CCNY: variants seen among roughly 807,000 people sequenced by gnomAD.
CCNY encodes cyclin-Y.
CCNY carries 19 observed loss-of-function variants against 42.8 expected under a neutral mutation model. That is an observed-to-expected ratio of 0.44 (90% CI 0.31 to 0.65). The LOEUF (loss-of-function observed/expected upper bound fraction) is 0.65. Among genes scored for constraint, CCNY ranks in the 30% least tolerant of loss-of-function variants. The pLI is 0.07. For synonymous variants in CCNY, 165 were observed against 162.7 expected, an observed-to-expected ratio of 1.01 and a Z score of -0.11; for missense variants, 370 against 437.3, an observed-to-expected ratio of 0.85 and a Z score of 1.37.
At chr10:35,307,030 C>T (rs929464742) in intron 3 of CCNY, among the ~76,000 whole-genome samples, 5 of 152,308 alleles carry the variant, frequency 3.3e-5, no homozygotes, top group Middle Eastern at 3.4e-3. Flanking sequence ...AAGCAGTACA[C>T]GGCAACATAC....
intron 1 of CCNY, among the ~76,000 whole-genome samples, chr10:35,454,370 C>A (rs1352298983): frequency 6.6e-6 from 1 of 152,214 alleles, no homozygotes; most frequent in South Asian, 2.1e-4. Flanking sequence ...AGCGGTTCAG[C>A]GCAGGTTTAC....
intron 3 of CCNY, among the ~76,000 whole-genome samples, chr10:35,270,432 C>T (rs1256387471): frequency 6.6e-6 from 1 of 152,224 alleles, no homozygotes; most frequent in Non-Finnish European, 1.5e-5. Context: ...TCCTCCATGA[C>T]TCACATCCAG....
chr10:35,364,785 T>G (rs1339880297), intron 1 of CCNY, among the ~76,000 whole-genome samples: 1 of 152,224 alleles, frequency 6.6e-6, no homozygotes, highest in Non-Finnish European at 1.5e-5. Context: ...TTATAATTAC[T>G]GCAATTTTAA....
chr10:35,421,112 G>C (rs1345098899), intron 1 of CCNY, among the ~76,000 whole-genome samples: 1 of 151,730 alleles, frequency 6.6e-6, no homozygotes, highest in Non-Finnish European at 1.5e-5. Context: ...GGTGTAGGAC[G>C]AGGTTCAAAG....
At chr10:35,277,880 T>C (rs926060393) in intron 3 of CCNY, among the ~76,000 whole-genome samples, 8 of 152,074 alleles carry the variant, frequency 5.3e-5, no homozygotes, top group African/African-American at 1.9e-4. Context: ...CCATTCTCTT[T>C]AGGGGATGAG....
chr10:35,379,731 A>G (rs1837136270), intron 1 of CCNY, among the ~76,000 whole-genome samples: 1 of 152,212 alleles, frequency 6.6e-6, no homozygotes, highest in Non-Finnish European at 1.5e-5. Context: ...CCCTGAATGC[A>G]GGGATGTTGC....
intron 1 of CCNY, among the ~76,000 whole-genome samples, chr10:35,457,381 C>G (rs918334354): frequency 6.6e-6 from 1 of 152,204 alleles, no homozygotes; most frequent in Non-Finnish European, 1.5e-5. Context: ...AGGTCTCTCT[C>G]GTGTGTACAC....
chr10:35,491,866 G>A (rs1464855059), intron 2 of CCNY, among the ~76,000 whole-genome samples: 1 of 151,614 alleles, frequency 6.6e-6, no homozygotes, highest in Non-Finnish European at 1.5e-5. Flanking sequence ...CACCCGCCTC[G>A]GCCCTCCAAA....
intron 1 of CCNY, among the ~76,000 whole-genome samples, chr10:35,454,501 C>A (rs1448775332): frequency 6.6e-6 from 1 of 152,304 alleles, no homozygotes; most frequent in South Asian, 2.1e-4. Flanking sequence ...AAACCTGGAG[C>A]CTGGTAGAGT....
chr10:35,309,844 G>C (rs1835661385), intron 3 of CCNY, among the ~76,000 whole-genome samples: 1 of 151,986 alleles, frequency 6.6e-6, no homozygotes, highest in South Asian at 2.1e-4. Flanking sequence ...CTGTCGCCCA[G>C]GCTGGAGTGC....
At chr10:35,266,683 C>T (rs1011229929) in intron 3 of CCNY, among the ~76,000 whole-genome samples, 1 of 152,114 alleles carries the variant, frequency 6.6e-6, no homozygotes, top group Non-Finnish European at 1.5e-5. Flanking sequence ...TCGTTAGCAT[C>T]AGGAAGGGTG....
Position 35,541,940 on chromosome 10 carries a change from G to A in CCNY, c.580-11079G>A, listed in dbSNP as rs150124301. Reference sequence around the variant, plus strand: ...GGACACCATATTGTGTCTAGTTGTCGTTACCCAGCATCCCTTTTTTTCTTT... The same window carrying A: ...GGACACCATATTGTGTCTAGTTGTCATTACCCAGCATCCCTTTTTTTCTTT... On this transcript the variant is annotated intron_variant, in intron 7 of 9. Coordinates refer to ENST00000374704, the MANE Select transcript of CCNY (RefSeq NM_145012.6). Among the ~76,000 whole-genome samples, 404 of 123,306 alleles carry A rather than the reference G, an allele frequency of 3.3e-3. 1 individual carries two copies. Among genetic ancestry groups the A allele is most frequent in the African/African-American group, 0.011 (341 of 31,764 alleles). 80.9% of individuals were successfully genotyped at this position (123,306 alleles called of 152,430 possible). A position where few individuals can be genotyped will look rare whatever the true frequency, so the allele number is the denominator to read the frequency against.
chr10:35,551,174 T>G (rs1055112229), intron 7 of CCNY, among the ~76,000 whole-genome samples: 3 of 152,138 alleles, frequency 2.0e-5, no homozygotes, highest in African/African-American at 7.2e-5. Flanking sequence ...TGCATTCGCA[T>G]CCCGTAAGAG....
intron 1 of CCNY, among the ~76,000 whole-genome samples, chr10:35,449,576 T>C (rs943401722): frequency 1.3e-5 from 2 of 150,272 alleles, no homozygotes; most frequent in Non-Finnish European, 3.0e-5. Context: ...GTTCGGTTTT[T>C]GGAATGAGAG....
rs1180335546 is a variant in CCNY at position 35,336,685 on chromosome 10, AC to A, written c.-367del. Among the ~76,000 whole-genome samples the A allele has an allele frequency of 1.4e-5, 2 of 145,928 alleles. No homozygotes were observed. The highest frequency in any genetic ancestry group is 3.0e-5 in the Non-Finnish European group (2 of 65,736). On this transcript the variant is annotated 5_prime_UTR_variant, in exon 1 of 10. Transcript: ENST00000374704. ...CGCCGCAGCCGCCGGGGAAGCGGAC[AC>A]CAACTGGGGAAGCGCGGGGGGGAGG... is the stretch of plus-strand genomic sequence containing the variant.
chr10:35,440,362 G>A (rs539535696), intron 1 of CCNY, among the ~76,000 whole-genome samples: 131 of 152,330 alleles, frequency 8.6e-4, no homozygotes, highest in African/African-American at 2.9e-3. Context: ...GCAGAGGTTA[G>A]CAGAGGTTCT....
At chr10:35,518,138 C>T (rs1840467747) in intron 4 of CCNY, among the ~76,000 whole-genome samples, 1 of 152,216 alleles carries the variant, frequency 6.6e-6, no homozygotes, top group African/African-American at 2.4e-5. Context: ...CATCCTTGGA[C>T]CACTTAAAAT....
chr10:35,336,152 GC>G (rs1325686771), upstream of CCNY: 1 of 152,190 alleles, frequency 6.6e-6, no homozygotes, highest in Non-Finnish European at 1.5e-5. Context: ...CAGCCTCAGC[GC>G]CCTGGGCCTG....
At chr10:35,317,928 T>A (rs1564367363) in intron 3 of CCNY, among the ~76,000 whole-genome samples, 1 of 152,216 alleles carries the variant, frequency 6.6e-6, no homozygotes, top group Non-Finnish European at 1.5e-5. Context: ...CAGGGCTAAG[T>A]GCTATCTTAC....
Sources: gnomAD v4.1 joint callset for allele counts (sites outside exome capture counted in the v4.1 genomes callset) on GRCh38, gnomAD v4.1.1 for gene constraint, MANE v1.5 for transcripts, NCBI Gene and HGNC (gene_info 2026-07-23, HGNC 2026-07-21) for gene names.